SH3KBP1: variants seen among roughly 807,000 people sequenced by gnomAD.
The protein encoded by SH3KBP1 is SH3 domain-containing kinase-binding protein 1.
Under a neutral mutation model 50.1 loss-of-function variants are expected in SH3KBP1, and 8 were observed. That is an observed-to-expected ratio of 0.16 (90% CI 0.09 to 0.29). SH3KBP1 has a LOEUF of 0.29. Ranked by LOEUF, SH3KBP1 falls within the 10% of genes least tolerant of loss-of-function variation. The pLI is 1.00. For synonymous variants in SH3KBP1, 227 were observed against 218.6 expected, an observed-to-expected ratio of 1.04 and a Z score of -0.34; for missense variants, 377 against 535.2, an observed-to-expected ratio of 0.70 and a Z score of 2.92.
chrX:19,822,072 T>C (rs749399372), intron 2 of SH3KBP1, among the ~76,000 whole-genome samples: 1 of 112,590 alleles, frequency 8.9e-6, no homozygotes, highest in East Asian at 2.8e-4. Flanking sequence ...CTTGTAAGTA[T>C]ATGTCATGTC....
chrX:19,705,406 G>T (rs2063632318), intron 4 of SH3KBP1, among the ~76,000 whole-genome samples: 1 of 111,000 alleles, frequency 9.0e-6, no homozygotes, highest in Non-Finnish European at 1.9e-5. Context: ...TTTTCTTCTG[G>T]AATTTCTTTC....
chrX:19,876,467 C>T (rs779420783), intron 1 of SH3KBP1, among the ~76,000 whole-genome samples: 4 of 111,895 alleles, frequency 3.6e-5, no homozygotes, highest in African/African-American at 6.5e-5. Flanking sequence ...GACAATAGAG[C>T]AGTCTCCTGG....
intron 2 of SH3KBP1, among the ~76,000 whole-genome samples, chrX:19,812,750 G>A (rs1034094642): frequency 9.0e-6 from 1 of 110,722 alleles, no homozygotes; most frequent in African/African-American, 3.3e-5. Flanking sequence ...CAAGGTGGGC[G>A]GATCACCTGA....
chrX:19,606,850 A>C (rs2067257290), intron 9 of SH3KBP1, among the ~76,000 whole-genome samples: 1 of 111,756 alleles, frequency 8.9e-6, no homozygotes. Context: ...ATTCTCTAGA[A>C]CCCAAACTCA....
At chrX:19,844,943 G>A (rs1603277475) in intron 1 of SH3KBP1, among the ~76,000 whole-genome samples, 1 of 111,105 alleles carries the variant, frequency 9.0e-6, no homozygotes, top group Non-Finnish European at 1.9e-5. Flanking sequence ...AGCCGGGCGT[G>A]GTGGCGGGAG....
intron 2 of SH3KBP1, among the ~76,000 whole-genome samples, chrX:19,769,448 C>G (rs1178254620): frequency 9.1e-6 from 1 of 110,118 alleles, no homozygotes; most frequent in Non-Finnish European, 1.9e-5. Context: ...TAATTTTGCT[C>G]CTTTTCAAAG....
chrX:19,609,787 C>T (rs1464604724), intron 8 of SH3KBP1, among the ~76,000 whole-genome samples: 2 of 112,197 alleles, frequency 1.8e-5, no homozygotes, highest in Admixed American at 1.9e-4. Context: ...GCCATGTACA[C>T]AATGCCTCAT....
chrX:19,659,135 A>T (rs1482930577), intron 6 of SH3KBP1, among the ~76,000 whole-genome samples: 1 of 76,971 alleles, frequency 1.3e-5, no homozygotes, highest in Admixed American at 1.6e-4. Context: ...TTTTTTTGAG[A>T]CGGAGTTTCA....
chrX:19,697,508 C>A (rs1031176707), intron 4 of SH3KBP1, among the ~76,000 whole-genome samples: 1 of 112,069 alleles, frequency 8.9e-6, no homozygotes, highest in Admixed American at 9.5e-5. Context: ...CATTACAAAT[C>A]TTCACTAGGG....
At chrX:19,624,855 C>T (rs1159511983) in intron 8 of SH3KBP1, among the ~76,000 whole-genome samples, 1 of 112,357 alleles carries the variant, frequency 8.9e-6, no homozygotes, top group South Asian at 3.7e-4. Context: ...CTGACATTTT[C>T]CAAATGTCTG....
chrX:19,786,940 T>C (rs1391479989), intron 2 of SH3KBP1, among the ~76,000 whole-genome samples: 1 of 112,421 alleles, frequency 8.9e-6, no homozygotes, highest in Non-Finnish European at 1.9e-5. Context: ...ATTTAGGATG[T>C]ATACAATATT....
intron 1 of SH3KBP1, among the ~76,000 whole-genome samples, chrX:19,865,999 A>C (rs765350295): frequency 4.5e-5 from 5 of 112,345 alleles, no homozygotes; most frequent in African/African-American, 1.3e-4. Context: ...GAAGAAAAGA[A>C]TCCTGAAGCA....
At chrX:19,562,649 A>G (rs1203813478) in intron 13 of SH3KBP1, among the ~76,000 whole-genome samples, 2 of 111,419 alleles carry the variant, frequency 1.8e-5, no homozygotes, top group Non-Finnish European at 3.8e-5. Context: ...ATGATGAACG[A>G]GAGCGCTGGC....
At chrX:19,862,428 C>T (rs1197358379) in intron 1 of SH3KBP1, among the ~76,000 whole-genome samples, 1 of 112,029 alleles carries the variant, frequency 8.9e-6, no homozygotes, top group Non-Finnish European at 1.9e-5. Flanking sequence ...TTGTAAACTG[C>T]TAATTTCTTT....
chrX:19,802,895 A>C (rs2066933273), intron 2 of SH3KBP1, among the ~76,000 whole-genome samples: 1 of 111,419 alleles, frequency 9.0e-6, no homozygotes, highest in Admixed American at 9.5e-5. Context: ...GACTGGGCTA[A>C]TCTTTCTCTT....
chrX:19,884,428 G>A (rs750500494), intron 1 of SH3KBP1, among the ~76,000 whole-genome samples: 12 of 112,343 alleles, frequency 1.1e-4, no homozygotes, highest in African/African-American at 1.6e-4. Context: ...TGTCAGTAAC[G>A]CCAAAAGAAC....
At chrX:19,831,582 G>A (rs1415364171) in intron 2 of SH3KBP1, among the ~76,000 whole-genome samples, 11 of 107,493 alleles carry the variant, frequency 1.0e-4, no homozygotes, top group Admixed American at 1.0e-3. Flanking sequence ...ACCTGAGGTA[G>A]GGAGTTCGAG....
chrX:19,818,569 T>C (rs1029726691), intron 2 of SH3KBP1, among the ~76,000 whole-genome samples: 1 of 111,899 alleles, frequency 8.9e-6, no homozygotes, highest in Non-Finnish European at 1.9e-5. Context: ...TTGTAGATGC[T>C]CTTTATCAAG....
intron 9 of SH3KBP1, among the ~76,000 whole-genome samples, chrX:19,597,775 C>T (rs2066950618): frequency 8.9e-6 from 1 of 112,612 alleles, no homozygotes; most frequent in Admixed American, 9.4e-5. Flanking sequence ...CCAGCTTCAA[C>T]TTAAAGTCAC....
Sources: allele counts gnomAD v4.1 joint callset (sites outside exome capture counted in the v4.1 genomes callset), GRCh38; gene constraint gnomAD v4.1.1; transcripts MANE v1.5; gene names NCBI Gene and HGNC (gene_info 2026-07-23, HGNC 2026-07-21).